The following LPCAT2 variants were observed in gnomAD, a reference collection of about 807,000 sequenced individuals.
LPCAT2 encodes 1-AGP acyltransferase 11.
In LPCAT2, 58 loss-of-function variants were observed where a neutral mutation model predicts 64.7. The ratio of observed to expected loss-of-function variants is 0.90; its 90% CI spans 0.73 to 1.12. The LOEUF is 1.12. LPCAT2 is among the 50% of genes most tolerant of loss of function. LPCAT2 has a pLI of 0.00. For synonymous variants in LPCAT2, 252 were observed against 245.3 expected (o/e 1.03, Z -0.26); for missense variants, 579 against 669.8 (o/e 0.86, Z 1.50).
At chr16:55,521,129 A>C (rs2142393135) in intron 1 of LPCAT2, among the ~76,000 whole-genome samples, 1 of 151,914 alleles carries the variant, frequency 6.6e-6, no homozygotes, top group East Asian at 1.9e-4. Flanking sequence ...ACAAGAAAGA[A>C]AATGCAAATT....
intron 9 of LPCAT2, 31 bp downstream of exon 9, chr16:55,545,848 A>G: frequency 6.6e-7 from 1 of 1,507,096 alleles, no homozygotes; most frequent in Non-Finnish European, 9.1e-7. Flanking sequence ...ATAACTCATA[A>G]ATAATTTGAA....
At chr16:55,563,290 C>G (rs1382470526) in intron 11 of LPCAT2, among the ~76,000 whole-genome samples, 1 of 151,846 alleles carries the variant, frequency 6.6e-6, no homozygotes, top group East Asian at 1.9e-4. Flanking sequence ...AAAATTCCAC[C>G]AAACATTGAA....
At chr16:55,572,006 A>C (rs1963775512) in intron 11 of LPCAT2, among the ~76,000 whole-genome samples, 1 of 152,190 alleles carries the variant, frequency 6.6e-6, no homozygotes, top group Non-Finnish European at 1.5e-5. Context: ...TTACTAATCC[A>C]ATAATATAAT....
chr16:55,510,914 G>T (rs896773409), intron 1 of LPCAT2, among the ~76,000 whole-genome samples: 1 of 151,982 alleles, frequency 6.6e-6, no homozygotes, highest in Non-Finnish European at 1.5e-5. Flanking sequence ...TATTTATATT[G>T]CACCTATAAT....
In LPCAT2 at chr16:55,584,237, A is replaced by G. The variant is rs1245632330; in HGVS notation, c.*1139A>G. On this transcript the variant is annotated 3_prime_UTR_variant, in exon 14 of 14. Transcript: ENST00000262134. ...TTTGTTCTATTTATATAATATTAGA[A>G]TTAATATATTATCATGTAAGTGGGA... The G allele has an allele frequency of 6.6e-6, 1 of 152,168 alleles. No individual in the cohort carries two copies. The highest frequency in any genetic ancestry group is 2.4e-5 in the African/African-American group (1 of 41,458). 9.4% of individuals were successfully genotyped at this position (152,168 alleles called of 1,614,324 possible). A position where few individuals can be genotyped will look rare whatever the true frequency, so the allele number is the denominator to read the frequency against.
intron 2 of LPCAT2, 79 bp downstream of exon 2, chr16:55,525,726 C>T (rs1963161823): frequency 2.2e-5 from 24 of 1,097,476 alleles, no homozygotes; most frequent in Non-Finnish European, 2.8e-5. Flanking sequence ...AAGAGTTCAT[C>T]ATAGTTTAGT....
intron 4 of LPCAT2, among the ~76,000 whole-genome samples, chr16:55,530,874 G>A (rs1963244118): frequency 6.6e-6 from 1 of 151,994 alleles, no homozygotes; most frequent in Non-Finnish European, 1.5e-5. Context: ...GGTCTGATGT[G>A]GAATCCTTTT....
At chr16:55,566,755 G>C (rs1233971898) in intron 11 of LPCAT2, 39 of 1,600,722 alleles carry the variant, frequency 2.4e-5, no homozygotes, top group Non-Finnish European at 3.1e-5. Context: ...TAAACTGAAA[G>C]CATGTTTCTT....
At chr16:55,551,507 C>A (rs1321611618) in intron 11 of LPCAT2, among the ~76,000 whole-genome samples, 1 of 152,050 alleles carries the variant, frequency 6.6e-6, no homozygotes, top group African/African-American at 2.4e-5. Context: ...AAAACTCATA[C>A]ATTGATGACA....
At chr16:55,567,129 C>A in intron 11 of LPCAT2, 2 of 1,613,794 alleles carry the variant, frequency 1.2e-6, no homozygotes, top group Non-Finnish European at 1.7e-6. Context: ...TGACACCTGC[C>A]GGAGCATTGT....
In LPCAT2 at chr16:55,534,480, A is replaced by G. The variant is rs754236399; in HGVS notation, c.797+3A>G. ...TGGACATGGCAAGGATATACATTGT[A>G]AGTCACTTATGTCTATTATTAGTTT... On this transcript the variant is annotated splice_donor_region_variant and intron_variant, in intron 7 of 13. Transcript: ENST00000262134. 6.9e-7 allele frequency: 1 copy of G among 1,442,136 alleles called. No homozygotes were observed. The allele number at this position is 1,442,136 out of a possible 1,614,324, so 89.3% of individuals were successfully genotyped here.
chr16:55,523,773 G>A (rs1963131312), intron 1 of LPCAT2, among the ~76,000 whole-genome samples: 1 of 151,894 alleles, frequency 6.6e-6, no homozygotes, highest in Non-Finnish European at 1.5e-5. Flanking sequence ...TGGGGAGGGT[G>A]TAGTAATTGC....
chr16:55,513,319 T>C (rs573835705), intron 1 of LPCAT2, among the ~76,000 whole-genome samples: 1 of 152,274 alleles, frequency 6.6e-6, no homozygotes, highest in African/African-American at 2.4e-5. Flanking sequence ...AAAACTGTTA[T>C]ATCTGAAATG....
intron 11 of LPCAT2, among the ~76,000 whole-genome samples, chr16:55,551,740 C>CT (rs1409851053): frequency 5.9e-5 from 9 of 152,136 alleles, no homozygotes; most frequent in Non-Finnish European, 1.5e-5. Context: ...CTGTTCACAA[C>CT]TTCAGGTTTT....
intron 13 of LPCAT2, 76 bp from the exon 14 acceptor site, chr16:55,582,838 G>A (rs1011906406): frequency 1.1e-6 from 1 of 901,240 alleles, no homozygotes; most frequent in Non-Finnish European, 1.7e-6. Context: ...TGCATTATTA[G>A]AGTCATTTAT....
chr16:55,515,397 T>C (rs1227281054), intron 1 of LPCAT2, among the ~76,000 whole-genome samples: 3 of 151,968 alleles, frequency 2.0e-5, no homozygotes, highest in African/African-American at 7.3e-5. Flanking sequence ...AAAACTATCC[T>C]TAAAATGAAG....
intron 11 of LPCAT2, among the ~76,000 whole-genome samples, chr16:55,563,883 TGAAATAGAAA>T (rs1389661054): frequency 1.3e-5 from 2 of 151,724 alleles, no homozygotes; most frequent in Non-Finnish European, 3.0e-5. Flanking sequence ...AAGAGGCATA[TGAAATAGAAA>T]GGAAGAAGTA....
intron 7 of LPCAT2, among the ~76,000 whole-genome samples, chr16:55,535,513 C>T (rs796736082): frequency 8.5e-5 from 13 of 152,230 alleles, no homozygotes; most frequent in African/African-American, 2.9e-4. Context: ...ACACAAATAA[C>T]GCCAAACATA....
intron 7 of LPCAT2, among the ~76,000 whole-genome samples, chr16:55,536,841 A>G (rs1399036093): frequency 6.6e-6 from 1 of 152,184 alleles, no homozygotes; most frequent in Non-Finnish European, 1.5e-5. Flanking sequence ...TTCAAACATT[A>G]TCTTTTAGAG....
Sources: gnomAD v4.1 joint callset for allele counts (sites outside exome capture counted in the v4.1 genomes callset) on GRCh38, gnomAD v4.1.1 for gene constraint, MANE v1.5 for transcripts, NCBI Gene and HGNC (gene_info 2026-07-23, HGNC 2026-07-21) for gene names.